RP1: variants seen among roughly 807,000 people sequenced by gnomAD.
The protein encoded by RP1 is RP1 axonemal microtubule associated, also known as oxygen-regulated protein 1.
A neutral mutation model predicts 14.8 loss-of-function variants in RP1; 16 were observed. That is an observed-to-expected ratio of 1.08 (90% CI 0.73 to 1.65). The LOEUF (loss-of-function observed/expected upper bound fraction) is 1.65. Ranked by LOEUF, RP1 falls within the 40% of genes most tolerant of loss-of-function variation. The probability of loss-of-function intolerance (pLI) is 0.00; values close to 1 mark genes in which losing one functional copy is unlikely to be tolerated. For missense variants in RP1, 2,631 were observed against 2,535.0 expected (o/e 1.04, Z -0.81); for synonymous variants, 876 against 883.6 (o/e 0.99, Z 0.15).
At chr8:54,805,340 T>C (rs1810822652) in intron 24 of RP1, among the ~76,000 whole-genome samples, 1 of 152,214 alleles carries the variant, frequency 6.6e-6, no homozygotes, top group Non-Finnish European at 1.5e-5. Context: ...ATGTGTATAT[T>C]ATGGCAGAAT....
At chr8:54,652,731 G>A (rs547820274) in intron 4 of RP1, 1 of 1,318,318 alleles carries the variant, frequency 7.6e-7, no homozygotes, top group South Asian at 1.3e-5. Flanking sequence ...CTGTTTTTAA[G>A]TGAATTTTGT....
At chr8:54,720,371 A>C in intron 16 of RP1, 1 of 1,355,682 alleles carries the variant, frequency 7.4e-7, no homozygotes, top group Non-Finnish European at 9.8e-7. Context: ...ACAGTGTCTG[A>C]AAATTTCATC....
At chr8:54,796,617 G>C (rs145468568) in intron 24 of RP1, among the ~76,000 whole-genome samples, 2 of 152,262 alleles carry the variant, frequency 1.3e-5, no homozygotes, top group East Asian at 3.9e-4. Flanking sequence ...GATTAGATTG[G>C]TGAGCTGTAA....
At chr8:54,580,831 C>T (rs1054308653) in intron 1 of RP1, among the ~76,000 whole-genome samples, 8 of 151,026 alleles carry the variant, frequency 5.3e-5, no homozygotes, top group African/African-American at 1.9e-4. Context: ...ATTGGCCAGG[C>T]TGGTCTCGAA....
chr8:54,816,251 G>A (rs1028516458), intron 24 of RP1, among the ~76,000 whole-genome samples: 27 of 152,114 alleles, frequency 1.8e-4, no homozygotes, highest in Non-Finnish European at 8.8e-5. Flanking sequence ...GCATAAAGGG[G>A]CAAAATTAAG....
At chr8:54,650,692 C>T (rs1806638816) in intron 4 of RP1, among the ~76,000 whole-genome samples, 1 of 140,812 alleles carries the variant, frequency 7.1e-6, no homozygotes, top group South Asian at 2.6e-4. Context: ...TCCCTCCTCC[C>T]CTCCCCTCCC....
chr8:54,583,985 TG>T (rs1368476778), intron 1 of RP1, among the ~76,000 whole-genome samples: 1 of 152,142 alleles, frequency 6.6e-6, no homozygotes, highest in African/African-American at 2.4e-5. Flanking sequence ...AAGGGTTTTT[TG>T]TGTCTCTATT....
upstream of RP1, among the ~76,000 whole-genome samples, chr8:54,612,029 C>T: frequency 6.6e-6 from 1 of 151,982 alleles, no homozygotes; most frequent in Non-Finnish European, 1.5e-5. Flanking sequence ...ATGTTTTTCC[C>T]TGAGCATATG....
rs1046599984 is a variant in RP1, at chr8:54,840,679, A to G, written c.3835+3010A>G. 4.0e-5 allele frequency among the ~76,000 whole-genome samples: 6 copies of G among 148,356 alleles called. 1 individual carries two copies. The highest frequency in any genetic ancestry group is 4.0e-4 in the Admixed American group (6 of 14,854). ...AACTTCATTGTATCTTAAATGAGCT[A>G]TTGATTTTGGGTCCATTTAACTTGA... On this transcript the variant is annotated intron_variant, in intron 25 of 28. Transcript: ENST00000637698.
chr8:54,611,631 C>T (rs190210110), upstream of RP1, among the ~76,000 whole-genome samples: 197 of 152,196 alleles, frequency 1.3e-3, 1 homozygote, highest in African/African-American at 4.5e-3. Flanking sequence ...TCCTTTAGTG[C>T]TTTAAGCATC....
downstream of RP1, among the ~76,000 whole-genome samples, chr8:54,770,438 T>C (rs896652435): frequency 4.6e-5 from 7 of 151,534 alleles, no homozygotes; most frequent in Non-Finnish European, 8.8e-5. Flanking sequence ...GGTTAAATTA[T>C]ATTAACTTCT....
chr8:54,652,948 T>TGTTGATA, intron 5 of RP1: 1 of 936,674 alleles, frequency 1.1e-6, no homozygotes, highest in Non-Finnish European at 1.7e-6. Flanking sequence ...ATGCCTATAA[T>TGTTGATA]GAGTTGATAG....
At chr8:54,767,268 A>G (rs1050243955) in intron 22 of RP1, among the ~76,000 whole-genome samples, 1 of 152,196 alleles carries the variant, frequency 6.6e-6, no homozygotes, top group Non-Finnish European at 1.5e-5. Flanking sequence ...ACAAAGATTA[A>G]GGACATGGGG....
intron 24 of RP1, among the ~76,000 whole-genome samples, chr8:54,784,869 A>G (rs1810279081): frequency 6.6e-6 from 1 of 152,068 alleles, no homozygotes; most frequent in South Asian, 2.1e-4. Flanking sequence ...TTTCTGCAAT[A>G]TAATTCACTC....
chr8:54,868,390 C>T (rs1219181583), intron 28 of RP1, among the ~76,000 whole-genome samples: 2 of 152,124 alleles, frequency 1.3e-5, no homozygotes, highest in Admixed American at 1.3e-4. Flanking sequence ...GTTTTCCTTG[C>T]CTTTTCTCTC....
At chr8:54,867,592 A>G (rs745590617) in intron 28 of RP1, among the ~76,000 whole-genome samples, 6 of 152,196 alleles carry the variant, frequency 3.9e-5, no homozygotes, top group Non-Finnish European at 8.8e-5. Context: ...TAAAGTACCT[A>G]CAAAAGTGTC....
chr8:54,587,983 C>T lies in RP1; in HGVS notation c.-13+28663C>T, dbSNP rs117837731. Among the ~76,000 whole-genome samples the T allele has an allele frequency of 2.1e-4, 32 of 152,326 alleles. 1 individual carries two copies. The East Asian group carries it at 6.2e-3, about 29-fold the overall frequency. ...TTAAAATCCTGTCTTGCAAATTTCT[C>T]TTCCTACAGAGCAATGCTGTCCCAT... On this transcript the variant is annotated intron_variant, in intron 1 of 22. Transcript: ENST00000636932.
In RP1 at chr8:54,627,824, T is replaced by C. The variant is rs746343492; in HGVS notation, c.3942T>C (p.Ala1314=). Residue 1314 remains alanine (A), a synonymous_variant, in exon 4 of 4, where the codon GCT becomes GCC. Coordinates refer to ENST00000220676, the MANE Select transcript of RP1 (RefSeq NM_006269.2). ...CTGATACTGTGTTTTCTGATAAGGCTTGTGCTCAAAAGGAGAACCATACCT... is the reference window on the plus strand; with the variant it reads ...CTGATACTGTGTTTTCTGATAAGGCCTGTGCTCAAAAGGAGAACCATACCT... The part of the protein sequence containing the change: ...SLTDTVFSDK[A]CAQKENHTYE... 32 of 1,614,066 alleles carry C rather than the reference T, an allele frequency of 2.0e-5. No individual in the cohort carries two copies. In the South Asian group the frequency reaches 3.4e-4, roughly 17 times the overall value.
chr8:54,564,553 G>A (rs183485244), intron 1 of RP1, among the ~76,000 whole-genome samples: 4 of 152,158 alleles, frequency 2.6e-5, no homozygotes, highest in Admixed American at 6.5e-5. Flanking sequence ...TTTCAGTCCC[G>A]TTTCACAGAT....
Sources: gnomAD v4.1 joint callset for allele counts (sites outside exome capture counted in the v4.1 genomes callset) on GRCh38, gnomAD v4.1.1 for gene constraint, MANE v1.5 for transcripts, NCBI Gene and HGNC (gene_info 2026-07-23, HGNC 2026-07-21) for gene names.